The following TOPBP1 variants were observed in gnomAD, a reference collection of about 807,000 sequenced individuals.
The protein encoded by TOPBP1 is DNA topoisomerase 2-binding protein 1.
A neutral mutation model predicts 167.7 loss-of-function variants in TOPBP1; 28 were observed. That is an observed-to-expected ratio of 0.17 (90% CI 0.12 to 0.23). The LOEUF (loss-of-function observed/expected upper bound fraction) is 0.23. TOPBP1 is among the 10% of genes least tolerant of loss of function. The pLI is 1.00. For missense variants in TOPBP1, 1,554 were observed against 1,809.6 expected (o/e 0.86, Z 2.56); for synonymous variants, 598 against 611.4 (o/e 0.98, Z 0.32).
intron 14 of TOPBP1, among the ~76,000 whole-genome samples, chr3:133,635,724 A>C (rs957099742): frequency 6.6e-6 from 1 of 152,210 alleles, no homozygotes; most frequent in African/African-American, 2.4e-5. Context: ...TTTGGCAAAA[A>C]ATTTGTCATT....
intron 23 of TOPBP1, among the ~76,000 whole-genome samples, chr3:133,615,399 C>T (rs192543597): frequency 6.6e-6 from 1 of 152,290 alleles, no homozygotes; most frequent in East Asian, 1.9e-4. Context: ...ATTGCTTGAG[C>T]CCAGGAGGCA....
In TOPBP1 at chr3:133,617,203, A is replaced by G. The variant is rs763045303; in HGVS notation, c.3716T>C (p.Phe1239Ser). 5.1e-5 allele frequency: 83 copies of G among 1,613,500 alleles called. No homozygotes were observed. Among genetic ancestry groups the G allele is most frequent in the Non-Finnish European group, 7.0e-5 (83 of 1,179,788 alleles). Residue 1239 changes from phenylalanine (F) to serine (S), a missense_variant, in exon 22 of 28, where the codon TTT becomes TCT. Phe to Ser is a radical substitution (Grantham distance 155). Around this residue, in one of 3 missense-constraint regions of TOPBP1, gnomAD observed 351 missense variants for 432.9 expected, o/e 0.81. Transcript: ENST00000260810. ...IPTPQAPSIA[F>S]PLANPPVAPH... ...AGCCACAGGGGGGTTGGCGAGTGGA[A>G]AGGCAATACTGGGGGCTTGAGGCGT...
At chr3:133,626,534 A>AT (rs796342272) in intron 16 of TOPBP1, among the ~76,000 whole-genome samples, 6 of 152,090 alleles carry the variant, frequency 3.9e-5, no homozygotes, top group Non-Finnish European at 7.4e-5. Context: ...TAAACAAGTT[A>AT]TTTTTTTGCA....
rs1244950952 is a variant in TOPBP1, at chr3:133,649,526, A to G, written c.1361T>C (p.Val454Ala). Residue 454 changes from valine to alanine, a missense_variant, in exon 10 of 28, where the codon GTT becomes GCT. By Grantham distance (64) the Val-to-Ala change is moderately conservative. Transcript: ENST00000260810. ...TGCTTTACTTTCAGGCTTATGTGAAACTGGAATTTCCACTGGCTGGTAATT... is the reference window on the plus strand; with the variant it reads ...TGCTTTACTTTCAGGCTTATGTGAAGCTGGAATTTCCACTGGCTGGTAATT... ...HANYQPVEIP[V>A]SHKPESKAAL... 3.1e-6 allele frequency: 5 copies of G among 1,613,944 alleles called. No individual in the cohort carries two copies. Among genetic ancestry groups the G allele is most frequent in the Non-Finnish European group, 3.4e-6 (4 of 1,179,860 alleles).
chr3:133,637,792 C>G, intron 14 of TOPBP1, 84 bp downstream of exon 14: 1 of 1,455,112 alleles, frequency 6.9e-7, no homozygotes, highest in Non-Finnish European at 9.3e-7. Context: ...TATTACTACA[C>G]TTCAGAGGTG....
intron 16 of TOPBP1, among the ~76,000 whole-genome samples, chr3:133,625,429 G>C (rs941401406): frequency 6.6e-6 from 1 of 152,112 alleles, no homozygotes; most frequent in African/African-American, 2.4e-5. Flanking sequence ...TTTTTAAATA[G>C]ACAAATGAAT....
At chr3:133,649,979 C>G in intron 8 of TOPBP1, 36 bp from the exon 9 acceptor site, 1 of 1,473,216 alleles carries the variant, frequency 6.8e-7, no homozygotes. Context: ...ACATAACATG[C>G]TTTCTCTCAA....
intron 3 of TOPBP1, 60 bp downstream of exon 3, chr3:133,658,956 T>C (rs2107838992): frequency 6.6e-7 from 1 of 1,510,010 alleles, no homozygotes; most frequent in South Asian, 1.3e-5. Context: ...TGTATGTCCA[T>C]TAAAGCAAAG....
At chr3:133,641,872 A>G (rs927475493) in intron 12 of TOPBP1, among the ~76,000 whole-genome samples, 1 of 152,250 alleles carries the variant, frequency 6.6e-6, no homozygotes, top group Non-Finnish European at 1.5e-5. Flanking sequence ...ACGAATTATT[A>G]TAAGGTGAAA....
intron 23 of TOPBP1, among the ~76,000 whole-genome samples, chr3:133,615,307 T>G (rs1934829209): frequency 6.6e-6 from 1 of 152,004 alleles, no homozygotes; most frequent in Admixed American, 6.6e-5. Flanking sequence ...CTGTCTTTAC[T>G]AAAAATACAA....
intron 19 of TOPBP1, among the ~76,000 whole-genome samples, chr3:133,621,766 G>A (rs1037790224): frequency 6.6e-6 from 1 of 152,186 alleles, no homozygotes; most frequent in African/African-American, 2.4e-5. Context: ...TAACCAAATA[G>A]GTAAGTCATA....
chr3:133,608,719 T>C (rs1162512938), intron 26 of TOPBP1, 23 bp from the exon 27 acceptor site: 2 of 1,611,676 alleles, frequency 1.2e-6, no homozygotes, highest in South Asian at 2.2e-5. Context: ...CAAGGTAGTA[T>C]CACAATCTAC....
chr3:133,651,547 A>G (rs1936306015), intron 8 of TOPBP1, among the ~76,000 whole-genome samples: 1 of 152,194 alleles, frequency 6.6e-6, no homozygotes, highest in Non-Finnish European at 1.5e-5. Context: ...TGTGAAAATT[A>G]GTGCACAGCC....
intron 10 of TOPBP1, among the ~76,000 whole-genome samples, chr3:133,646,512 G>A (rs750427360): frequency 4.6e-5 from 7 of 152,078 alleles, no homozygotes; most frequent in Middle Eastern, 3.4e-3. Context: ...TTAGCTGGGC[G>A]TGGTGGTGCA....
At chr3:133,654,329 T>G (rs1415594952) in intron 6 of TOPBP1, among the ~76,000 whole-genome samples, 1 of 152,232 alleles carries the variant, frequency 6.6e-6, no homozygotes, top group Non-Finnish European at 1.5e-5. Flanking sequence ...ATTGAAAATA[T>G]GTATCTTTTA....
At chr3:133,655,067 G>A (rs944488826) in intron 6 of TOPBP1, among the ~76,000 whole-genome samples, 6 of 152,104 alleles carry the variant, frequency 3.9e-5, no homozygotes, top group Non-Finnish European at 7.4e-5. Context: ...TTATTCAGGC[G>A]TGGTGGCAGG....
intron 6 of TOPBP1, among the ~76,000 whole-genome samples, chr3:133,654,864 T>C (rs1936423826): frequency 6.6e-6 from 1 of 152,118 alleles, no homozygotes; most frequent in African/African-American, 2.4e-5. Context: ...AGTATCAAAC[T>C]AGATTAATGA....
chr3:133,661,476 C>T (rs996960782), intron 1 of TOPBP1, among the ~76,000 whole-genome samples: 3 of 152,228 alleles, frequency 2.0e-5, no homozygotes. Flanking sequence ...TGCGGATACC[C>T]ACGGCCTGCG....
rs564301232 is a variant in TOPBP1, at chr3:133,648,548, A to G, written c.1504+835T>C. Among the ~76,000 whole-genome samples, 3 of 152,386 alleles carry G rather than the reference A, an allele frequency of 2.0e-5. No individual in the cohort carries two copies. In the South Asian group the frequency reaches 6.2e-4, roughly 32 times the overall value. Reference sequence around the variant, plus strand: ...CTCAGTGGCTCACGCCCGTAATCCCAGCACTTTGGGAGGCCAAGGCGGGTG... The same window carrying G: ...CTCAGTGGCTCACGCCCGTAATCCCGGCACTTTGGGAGGCCAAGGCGGGTG... On this transcript the variant is annotated intron_variant, in intron 10 of 27. Coordinates refer to ENST00000260810, the MANE Select transcript of TOPBP1 (RefSeq NM_007027.4).
Sources: allele counts gnomAD v4.1 joint callset (sites outside exome capture counted in the v4.1 genomes callset), GRCh38; gene constraint gnomAD v4.1.1; regional missense constraint gnomAD v4.1.1; transcripts MANE v1.5; gene names NCBI Gene and HGNC (gene_info 2026-07-23, HGNC 2026-07-21).